The following NTRK2 variants were observed in gnomAD, a reference collection of about 807,000 sequenced individuals.
NTRK2 encodes neurotrophic receptor tyrosine kinase 2.
NTRK2 carries 13 observed loss-of-function variants against 94.5 expected under a neutral mutation model. That is an observed-to-expected ratio of 0.14 (90% CI 0.09 to 0.22). NTRK2 has a LOEUF of 0.22. NTRK2 is among the 10% of genes least tolerant of loss of function. The pLI is 1.00. For missense variants in NTRK2, 639 were observed against 1,071.2 expected, an observed-to-expected ratio of 0.60 and a Z score of 5.63; for synonymous variants, 372 against 407.4, an observed-to-expected ratio of 0.91 and a Z score of 1.05.
intron 2 of NTRK2, among the ~76,000 whole-genome samples, chr9:84,697,439 C>T (rs976733110): frequency 7.2e-5 from 11 of 152,124 alleles, no homozygotes; most frequent in African/African-American, 2.7e-4. Context: ...CCCACTGCTC[C>T]CTTGAGGGAA....
chr9:84,797,585 A>T (rs1298289817), intron 12 of NTRK2, among the ~76,000 whole-genome samples: 1 of 91,994 alleles, frequency 1.1e-5, no homozygotes, highest in Non-Finnish European at 2.0e-5. Flanking sequence ...TATTATATAT[A>T]CTATATATAC....
intron 2 of NTRK2, among the ~76,000 whole-genome samples, chr9:84,676,643 T>C (rs35012916): frequency 0.028 from 4,223 of 152,318 alleles, 73 homozygotes; most frequent in Admixed American, 0.044. Flanking sequence ...CTCCTTCTCC[T>C]AGCATCCAAA....
chr9:84,857,349 T>C (rs906446517), intron 12 of NTRK2, among the ~76,000 whole-genome samples: 2 of 152,204 alleles, frequency 1.3e-5, no homozygotes, highest in Non-Finnish European at 2.9e-5. Flanking sequence ...CCCTTTATTT[T>C]GCAGTGAATA....
chr9:84,969,868 G>A (rs1825982483), intron 17 of NTRK2, among the ~76,000 whole-genome samples: 2 of 152,290 alleles, frequency 1.3e-5, no homozygotes, highest in South Asian at 4.1e-4. Flanking sequence ...TTACAGCATT[G>A]TAAACCAGTG....
chr9:84,904,094 C>T (rs2077008089), intron 14 of NTRK2, among the ~76,000 whole-genome samples: 1 of 152,210 alleles, frequency 6.6e-6, no homozygotes, highest in African/African-American at 2.4e-5. Context: ...GTATGCTAGG[C>T]ACATGCTGTT....
At chr9:84,739,741 C>G (rs552816814) in intron 9 of NTRK2, among the ~76,000 whole-genome samples, 1 of 152,144 alleles carries the variant, frequency 6.6e-6, no homozygotes, top group Admixed American at 6.5e-5. Flanking sequence ...AGCCCCAGAA[C>G]TAGAAAAAGC....
intron 14 of NTRK2, among the ~76,000 whole-genome samples, chr9:84,929,896 G>A (rs2077963931): frequency 1.3e-5 from 2 of 152,230 alleles, no homozygotes; most frequent in Non-Finnish European, 2.9e-5. Context: ...GCTTATGTTG[G>A]GTTTAAGGTG....
intron 2 of NTRK2, among the ~76,000 whole-genome samples, chr9:84,685,937 T>G (rs2059685516): frequency 6.6e-6 from 1 of 152,234 alleles, no homozygotes; most frequent in Admixed American, 6.5e-5. Context: ...TGGATCTTGT[T>G]TACTGCTCTT....
At chr9:84,748,098 G>A (rs574674289) in intron 11 of NTRK2, among the ~76,000 whole-genome samples, 25 of 152,272 alleles carry the variant, frequency 1.6e-4, no homozygotes, top group African/African-American at 6.0e-4. Flanking sequence ...ATTTGCAGGG[G>A]AGGGCAGATC....
intron 17 of NTRK2, among the ~76,000 whole-genome samples, chr9:84,958,569 C>T (rs1229905110): frequency 6.6e-6 from 1 of 152,132 alleles, no homozygotes; most frequent in Admixed American, 6.5e-5. Flanking sequence ...ACCCCCGTGG[C>T]CACTACTCGG....
chr9:84,892,443 A>G (rs942395477), intron 14 of NTRK2, among the ~76,000 whole-genome samples: 1 of 152,220 alleles, frequency 6.6e-6, no homozygotes, highest in African/African-American at 2.4e-5. Context: ...TCCATATTTT[A>G]TTAACAAAAA....
At chr9:84,905,555 T>C (rs1173361344) in intron 14 of NTRK2, among the ~76,000 whole-genome samples, 2 of 152,126 alleles carry the variant, frequency 1.3e-5, no homozygotes, top group African/African-American at 2.4e-5. Context: ...TCAAATGAAA[T>C]TGAATTTTAA....
intron 14 of NTRK2, among the ~76,000 whole-genome samples, chr9:84,879,302 TA>T (rs534740025): frequency 6.6e-6 from 1 of 152,128 alleles, no homozygotes; most frequent in East Asian, 1.9e-4. Context: ...ATAAAATTTT[TA>T]AAAAATAAGG....
At chr9:84,690,240 T>C (rs1369566975) in intron 2 of NTRK2, among the ~76,000 whole-genome samples, 2 of 152,210 alleles carry the variant, frequency 1.3e-5, no homozygotes, top group African/African-American at 2.4e-5. Context: ...ATTTTACCAC[T>C]GGAATCATTC....
intron 12 of NTRK2, among the ~76,000 whole-genome samples, chr9:84,857,399 C>T (rs936558349): frequency 2.0e-5 from 3 of 152,270 alleles, no homozygotes; most frequent in South Asian, 2.1e-4. Context: ...GAAGGTTTGG[C>T]AGGACTCTAC....
chr9:84,860,411 T>C lies in NTRK2; in HGVS notation c.1397-629T>C, dbSNP rs1318169717. On this transcript the variant is annotated intron_variant, in intron 12 of 18. Coordinates refer to ENST00000277120, the MANE Select transcript of NTRK2 (RefSeq NM_006180.6). Reference sequence around the variant, plus strand: ...CAGAACAGCTGTACACAGCCCAGTGTCACACAGCAAGTCAGGAGCGAGAAT... The same window carrying C: ...CAGAACAGCTGTACACAGCCCAGTGCCACACAGCAAGTCAGGAGCGAGAAT... Among the ~76,000 whole-genome samples, 3 of 152,178 alleles carry C rather than the reference T, an allele frequency of 2.0e-5. No homozygotes were observed. The East Asian group carries it at 5.8e-4, about 29-fold the overall frequency.
intron 12 of NTRK2, among the ~76,000 whole-genome samples, chr9:84,777,427 A>G (rs1464376366): frequency 6.6e-6 from 1 of 152,226 alleles, no homozygotes; most frequent in Non-Finnish European, 1.5e-5. Context: ...CATGCAAAAC[A>G]GTTAATTTCC....
rs191351817 is a variant in NTRK2, at chr9:84,873,804, A to C, written c.1633+6373A>C. 7.1e-4 allele frequency: 747 copies of C among 1,057,212 alleles called. 4 individuals carry two copies. In the African/African-American group the frequency reaches 0.012, roughly 16 times the overall value. The allele number at this position is 1,057,212 out of a possible 1,614,324, so 65.5% of individuals were successfully genotyped here. On this transcript the variant is annotated intron_variant, in intron 14 of 18. Coordinates refer to ENST00000277120, the MANE Select transcript of NTRK2 (RefSeq NM_006180.6). ...GTTATCAAAAGAGAAATATCACCCA[A>C]GTATAGTATACTTAGACCTCCTAGA...
chr9:84,759,857 A>G (rs1189965657), intron 12 of NTRK2, among the ~76,000 whole-genome samples: 1 of 151,986 alleles, frequency 6.6e-6, no homozygotes, highest in Non-Finnish European at 1.5e-5. Context: ...CATTCCTAAC[A>G]TCTGATTTTG....
Sources: gnomAD v4.1 joint callset for allele counts (sites outside exome capture counted in the v4.1 genomes callset) on GRCh38, gnomAD v4.1.1 for gene constraint, MANE v1.5 for transcripts, NCBI Gene and HGNC (gene_info 2026-07-23, HGNC 2026-07-21) for gene names.